The following CUL4A variants were observed in gnomAD, a reference collection of about 807,000 sequenced individuals.
CUL4A encodes cullin-4A.
Under a neutral mutation model 95.5 loss-of-function variants are expected in CUL4A, and 16 were observed. That is an observed-to-expected ratio of 0.17 (90% CI 0.11 to 0.25). The LOEUF (loss-of-function observed/expected upper bound fraction) is 0.25, where lower values mean the gene tolerates loss of function less well. Ranked by LOEUF, CUL4A falls within the 10% of genes least tolerant of loss-of-function variation. CUL4A has a pLI of 1.00. For synonymous variants in CUL4A, 380 were observed against 353.1 expected (o/e 1.08, Z -0.85); for missense variants, 610 against 937.0 (o/e 0.65, Z 4.56).
At chr13:113,222,015 C>T (rs942514363) in intron 3 of CUL4A, among the ~76,000 whole-genome samples, 14 of 152,200 alleles carry the variant, frequency 9.2e-5, no homozygotes, top group Non-Finnish European at 1.6e-4. Context: ...AAGTGGCAGG[C>T]GCTGTGGGAT....
At chr13:113,214,564 G>A (rs994104605) in intron 2 of CUL4A, among the ~76,000 whole-genome samples, 2 of 152,020 alleles carry the variant, frequency 1.3e-5, no homozygotes, top group African/African-American at 4.8e-5. Context: ...TGTTGTCCAG[G>A]CTCCTTGGGA....
intron 11 of CUL4A, 65 bp from the exon 12 acceptor site, chr13:113,244,345 T>A: frequency 8.8e-7 from 1 of 1,141,094 alleles, no homozygotes; most frequent in Non-Finnish European, 1.3e-6. Context: ...ACAATGTTGC[T>A]AATAGAAATT....
At chr13:113,209,389 C>A (rs1298264001), upstream of CUL4A, among the ~76,000 whole-genome samples, 23 of 149,716 alleles carry the variant, frequency 1.5e-4, no homozygotes. Context: ...CGCCCTCGAG[C>A]CAGGAGGGGG....
chr13:113,258,244 A>AC (rs924953370), intron 18 of CUL4A, among the ~76,000 whole-genome samples: 8 of 150,060 alleles, frequency 5.3e-5, no homozygotes, highest in Non-Finnish European at 1.2e-4. Context: ...TCCTACCTTG[A>AC]CCCCCCAAAG....
intron 18 of CUL4A, among the ~76,000 whole-genome samples, chr13:113,259,642 A>G (rs1186167238): frequency 6.6e-6 from 1 of 152,212 alleles, no homozygotes; most frequent in Non-Finnish European, 1.5e-5. Flanking sequence ...GCTCTCACTT[A>G]TATTCACAGA....
At position 113,236,878 on chromosome 13, in the gene CUL4A, A is replaced by G; in HGVS notation, c.904A>G (p.Ile302Val). The change falls in exon 9 of 20, where the codon ATT (isoleucine) becomes GTT (valine). Residue 302 changes from isoleucine to valine, a missense_variant. Coordinates refer to ENST00000375440, the MANE Select transcript of CUL4A (RefSeq NM_001008895.4). Reference sequence around the variant, plus strand: ...GCTATTAGGAGAACATTTAACAGCAATTCTGCAGAAAGGTAGATTTCCTAA... The same window carrying G: ...GCTATTAGGAGAACATTTAACAGCAGTTCTGCAGAAAGGTAGATTTCCTAA... ...KQLLGEHLTAILQKGLDHLLD... is the reference protein window; with the variant it reads ...KQLLGEHLTAVLQKGLDHLLD... The G allele has an allele frequency of 6.2e-7, 1 of 1,610,434 alleles. No homozygotes were observed. The highest frequency in any genetic ancestry group is 8.5e-7 in the Non-Finnish European group (1 of 1,177,364).
intron 3 of CUL4A, among the ~76,000 whole-genome samples, chr13:113,223,521 C>CTAA (rs2040982108): frequency 6.6e-6 from 1 of 152,154 alleles, no homozygotes; most frequent in Admixed American, 6.5e-5. Context: ...TCTCAGCCTC[C>CTAA]CGAGTAGCTG....
intron 15 of CUL4A, among the ~76,000 whole-genome samples, chr13:113,251,576 T>C (rs906015353): frequency 1.3e-5 from 2 of 152,090 alleles, no homozygotes; most frequent in African/African-American, 2.4e-5. Context: ...GGGGGCAGAT[T>C]TCCCCCTTGC....
At chr13:113,223,358 C>T (rs552541119) in intron 3 of CUL4A, among the ~76,000 whole-genome samples, 2 of 152,278 alleles carry the variant, frequency 1.3e-5, no homozygotes, top group African/African-American at 4.8e-5. Context: ...TCCAGTACTT[C>T]AAGTAACTCT....
intron 10 of CUL4A, among the ~76,000 whole-genome samples, chr13:113,240,634 C>G (rs1043070007): frequency 1.3e-5 from 2 of 152,124 alleles, no homozygotes; most frequent in Admixed American, 1.3e-4. Context: ...AGATACTTAA[C>G]GTGTTATTGC....
chr13:113,252,884 T>C (rs570621379), intron 15 of CUL4A, among the ~76,000 whole-genome samples, 198 bp from the exon 16 acceptor site: 2 of 152,344 alleles, frequency 1.3e-5, no homozygotes, highest in African/African-American at 4.8e-5. Flanking sequence ...GTTCAGGCAT[T>C]ATCTCGTTGA....
At chr13:113,250,391 G>T in intron 15 of CUL4A, among the ~76,000 whole-genome samples, 1 of 152,206 alleles carries the variant, frequency 6.6e-6, no homozygotes, top group Middle Eastern at 3.2e-3. Flanking sequence ...GGTTAAGGCT[G>T]CAGTGAGCTG....
At chr13:113,242,217 A>G (rs1029217778) in intron 10 of CUL4A, among the ~76,000 whole-genome samples, 6 of 151,932 alleles carry the variant, frequency 3.9e-5, no homozygotes. Flanking sequence ...GTGAGCCGAG[A>G]TCACGCCACT....
chr13:113,247,626 G>A (rs1377506944), intron 15 of CUL4A, among the ~76,000 whole-genome samples: 3 of 152,144 alleles, frequency 2.0e-5, no homozygotes, highest in Non-Finnish European at 4.4e-5. Context: ...TGGGGGAGAA[G>A]GTGAGTGAGA....
At chr13:113,236,178 G>T (rs766012295) in intron 8 of CUL4A, among the ~76,000 whole-genome samples, 5 of 152,034 alleles carry the variant, frequency 3.3e-5, no homozygotes, top group African/African-American at 4.8e-5. Flanking sequence ...AAACAGAGAG[G>T]GTGCAGAAAA....
In CUL4A at chr13:113,263,696, G is replaced by T; in HGVS notation, c.*114G>T. Reference sequence around the variant, plus strand: ...GATCCAGCTGTGGACATTGGAAGGCGAAGGAAGGGAGGTGGCTCCTGGGTC... The same window carrying T: ...GATCCAGCTGTGGACATTGGAAGGCTAAGGAAGGGAGGTGGCTCCTGGGTC... On this transcript the variant is annotated 3_prime_UTR_variant, in exon 20 of 20. Transcript: ENST00000375440. 1 of 594,692 alleles carries T rather than the reference G, an allele frequency of 1.7e-6. No individual in the cohort carries two copies. Among genetic ancestry groups the T allele is most frequent in the East Asian group, 3.0e-5 (1 of 33,216 alleles). 36.8% of individuals were successfully genotyped at this position (594,692 alleles called of 1,614,324 possible).
intron 18 of CUL4A, 23 bp from the exon 19 acceptor site, chr13:113,260,584 C>CT (rs762522828): frequency 1.6e-4 from 245 of 1,565,022 alleles, no homozygotes; most frequent in Admixed American, 4.9e-4. Flanking sequence ...TTACACTTAA[C>CT]TTTTTTTTTC....
intron 12 of CUL4A, 111 bp downstream of exon 12, chr13:113,244,625 A>G (rs768355827): frequency 3.6e-5 from 27 of 754,008 alleles, no homozygotes; most frequent in Non-Finnish European, 4.5e-5. Context: ...GCCAGTTTGC[A>G]TTAGAATGAA....
chr13:113,236,396 A>G (rs1447551785), intron 8 of CUL4A, among the ~76,000 whole-genome samples: 1 of 152,200 alleles, frequency 6.6e-6, no homozygotes, highest in African/African-American at 2.4e-5. Flanking sequence ...CCCCACAACC[A>G]GGGTGTGCAG....
Sources: allele counts gnomAD v4.1 joint callset (sites outside exome capture counted in the v4.1 genomes callset), GRCh38; gene constraint gnomAD v4.1.1; transcripts MANE v1.5; gene names NCBI Gene and HGNC (gene_info 2026-07-23, HGNC 2026-07-21).